The following PTCHD4 variants were observed in gnomAD, a reference collection of about 807,000 sequenced individuals.
PTCHD4 encodes the protein patched domain containing 4, also known as patched domain-containing protein 4.
PTCHD4 carries 33 observed loss-of-function variants against 58.1 expected under a neutral mutation model. The observed-to-expected ratio is 0.57, with a 90% confidence interval of 0.43 to 0.76. The LOEUF is 0.76. Ranked by LOEUF, PTCHD4 falls within the 30% of genes least tolerant of loss-of-function variation. PTCHD4 has a pLI of 0.00. For missense variants in PTCHD4, 1,058 were observed against 1,027.1 expected, an observed-to-expected ratio of 1.03 and a Z score of -0.41; for synonymous variants, 478 against 409.6, an observed-to-expected ratio of 1.17 and a Z score of -2.02.
chr6:47,956,269 CTTCTG>C (rs200427836), intron 4 of PTCHD4, among the ~76,000 whole-genome samples: 1,834 of 152,244 alleles, frequency 0.012, 32 homozygotes, highest in African/African-American at 0.04. Context: ...TATGTGCCAG[CTTCTG>C]TTTTAAGTAC....
chr6:47,936,731 G>T (rs894744573), intron 4 of PTCHD4, among the ~76,000 whole-genome samples: 56 of 152,148 alleles, frequency 3.7e-4, no homozygotes, highest in African/African-American at 1.2e-3. Context: ...ATGAACCAAA[G>T]ATCCCTGCCC....
At chr6:48,011,414 T>C (rs1359415215) in intron 3 of PTCHD4, among the ~76,000 whole-genome samples, 3 of 144,726 alleles carry the variant, frequency 2.1e-5, no homozygotes, top group Non-Finnish European at 4.7e-5. Context: ...TTTGCCCACC[T>C]TTTGATGTTT....
Position 47,878,143 on chromosome 6 carries a change from C to T in PTCHD4, c.*160G>A. 3.5e-6 allele frequency: 2 copies of T among 568,302 alleles called. No individual in the cohort carries two copies. Among genetic ancestry groups the T allele is most frequent in the Non-Finnish European group, 3.0e-6 (1 of 333,276 alleles). 35.2% of individuals were successfully genotyped at this position (568,302 alleles called of 1,614,324 possible). On this transcript the variant is annotated 3_prime_UTR_variant, in exon 5 of 5. Transcript: ENST00000339488. Reference sequence around the variant, plus strand: ...TTCCTCTTTTTTTATTCCCTCTTCCCCCCAAGAAGCAGGCACCTTGAAGTG... The same window carrying T: ...TTCCTCTTTTTTTATTCCCTCTTCCTCCCAAGAAGCAGGCACCTTGAAGTG...
chr6:48,064,302 A>T (rs1483992989), intron 3 of PTCHD4, among the ~76,000 whole-genome samples: 1 of 152,158 alleles, frequency 6.6e-6, no homozygotes, highest in Non-Finnish European at 1.5e-5. Flanking sequence ...TCATGAAACT[A>T]GCCAGGTGGA....
At chr6:47,895,250 C>T (rs1003942017) in intron 4 of PTCHD4, among the ~76,000 whole-genome samples, 1 of 152,142 alleles carries the variant, frequency 6.6e-6, no homozygotes, top group Non-Finnish European at 1.5e-5. Context: ...GGCCACGTGA[C>T]TACCAGAAAG....
chr6:47,903,613 C>A (rs945383634), intron 4 of PTCHD4, among the ~76,000 whole-genome samples: 4 of 152,088 alleles, frequency 2.6e-5, no homozygotes, highest in Non-Finnish European at 4.4e-5. Context: ...CCATGCCTGG[C>A]CCATTAATTC....
chr6:48,109,512 T>C (rs1386790889), intron 1 of PTCHD4, among the ~76,000 whole-genome samples: 1 of 151,934 alleles, frequency 6.6e-6, no homozygotes, highest in Non-Finnish European at 1.5e-5. Flanking sequence ...TTTTTGTATA[T>C]CACACCAAAA....
intron 4 of PTCHD4, among the ~76,000 whole-genome samples, chr6:47,966,019 G>A (rs1767278565): frequency 6.6e-6 from 1 of 152,138 alleles, no homozygotes; most frequent in Admixed American, 6.5e-5. Context: ...AATAAAATAT[G>A]GAGAAAATAT....
intron 4 of PTCHD4, among the ~76,000 whole-genome samples, chr6:47,922,057 G>A (rs1004824316): frequency 9.2e-5 from 14 of 151,858 alleles, no homozygotes; most frequent in African/African-American, 3.1e-4. Flanking sequence ...AGGATTGCTT[G>A]AGCCCAGGAG....
At chr6:47,956,906 G>A (rs1307847892) in intron 4 of PTCHD4, among the ~76,000 whole-genome samples, 2 of 152,068 alleles carry the variant, frequency 1.3e-5, no homozygotes, top group East Asian at 1.9e-4. Flanking sequence ...ATTCATGCCT[G>A]TAATCCTAGC....
chr6:47,988,820 A>C (rs1468714486), intron 4 of PTCHD4, among the ~76,000 whole-genome samples: 3 of 152,188 alleles, frequency 2.0e-5, no homozygotes, highest in African/African-American at 7.2e-5. Context: ...CTTTATCAGC[A>C]GTGTGAAAAT....
At chr6:48,107,397 T>C (rs1765754257) in intron 1 of PTCHD4, among the ~76,000 whole-genome samples, 1 of 152,236 alleles carries the variant, frequency 6.6e-6, no homozygotes, top group African/African-American at 2.4e-5. Context: ...TGGCTAGCCA[T>C]ATGTAGAAAG....
chr6:48,000,929 G>A (rs1187465202), intron 4 of PTCHD4, among the ~76,000 whole-genome samples: 3 of 152,042 alleles, frequency 2.0e-5, no homozygotes, highest in African/African-American at 2.4e-5. Context: ...AGAACAATGT[G>A]CAAAAATCAC....
At position 48,066,602 on chromosome 6, in the gene PTCHD4, G is replaced by A. The variant is rs572150293; in HGVS notation, c.417+1628C>T. On this transcript the variant is annotated intron_variant, in intron 3 of 4. Transcript: ENST00000339488. ...CAATAATGTTGATGGCAAAGGATTC[G>A]GGGAAATGAAAAGCATGCTGCCTAA... Among the ~76,000 whole-genome samples the A allele has an allele frequency of 6.6e-5, 10 of 152,232 alleles. 1 individual carries two copies. Among genetic ancestry groups the A allele is most frequent in the South Asian group, 4.2e-4 (2 of 4,816 alleles).
intron 4 of PTCHD4, among the ~76,000 whole-genome samples, chr6:47,924,465 T>C (rs1765531400): frequency 6.6e-6 from 1 of 152,016 alleles, no homozygotes; most frequent in African/African-American, 2.4e-5. Context: ...GACCCCAGAG[T>C]GAATCCAATC....
intron 4 of PTCHD4, among the ~76,000 whole-genome samples, chr6:48,002,677 T>G (rs1241284446): frequency 6.6e-6 from 1 of 151,906 alleles, no homozygotes; most frequent in African/African-American, 2.4e-5. Flanking sequence ...AGTTACTGGG[T>G]GCAGCACACC....
chr6:47,969,407 G>A (rs1247519550), intron 4 of PTCHD4, among the ~76,000 whole-genome samples: 3 of 152,152 alleles, frequency 2.0e-5, no homozygotes, highest in African/African-American at 7.2e-5. Context: ...AACACCAGCA[G>A]GCATCGCCTG....
chr6:47,983,884 G>T (rs1001464553), intron 4 of PTCHD4, among the ~76,000 whole-genome samples: 3 of 151,906 alleles, frequency 2.0e-5, no homozygotes, highest in Non-Finnish European at 4.4e-5. Context: ...AAACCAAATG[G>T]TATTTAACCC....
At chr6:47,974,862 A>C (rs1767636646) in intron 4 of PTCHD4, among the ~76,000 whole-genome samples, 1 of 152,236 alleles carries the variant, frequency 6.6e-6, no homozygotes, top group Non-Finnish European at 1.5e-5. Flanking sequence ...ACCAATCTGG[A>C]GTTGAAAACG....
Sources: gnomAD v4.1 joint callset for allele counts (sites outside exome capture counted in the v4.1 genomes callset) on GRCh38, gnomAD v4.1.1 for gene constraint, MANE v1.5 for transcripts, NCBI Gene and HGNC (gene_info 2026-07-23, HGNC 2026-07-21) for gene names.